The following COQ9 variants were observed in gnomAD, a reference collection of about 807,000 sequenced individuals.
COQ9 encodes coenzyme Q9.
Under a neutral mutation model 42.4 loss-of-function variants are expected in COQ9, and 35 were observed. The ratio of observed to expected loss-of-function variants is 0.83; its 90% CI spans 0.63 to 1.10. The LOEUF (loss-of-function observed/expected upper bound fraction) is 1.10, where lower values mean the gene tolerates loss of function less well. COQ9 is among the 50% of genes least tolerant of loss of function. The pLI is 0.00. For synonymous variants in COQ9, 155 were observed against 155.1 expected, an observed-to-expected ratio of 1.00 and a Z score of 0.00; for missense variants, 406 against 414.6, an observed-to-expected ratio of 0.98 and a Z score of 0.18.
At chr16:57,460,461 A>C in intron 8 of COQ9, 128 bp from the exon 9 acceptor site, 1 of 936,440 alleles carries the variant, frequency 1.1e-6, no homozygotes, top group Non-Finnish European at 1.7e-6. Flanking sequence ...TCTGGCCAAC[A>C]TAGCAAAACC....
At position 57,457,944 on chromosome 16, in the gene COQ9, G is replaced by GT. The variant is rs58660933; in HGVS notation, c.607-301dup. On this transcript the variant is annotated intron_variant, in intron 5 of 8. Transcript: ENST00000262507. ...TTCTTCCTTTGTGTGACAGACTGGG[G>GT]TATCTTTGCCCATCCTTGCTTAGAC... 0.076 allele frequency among the ~76,000 whole-genome samples: 11,518 copies of GT among 152,288 alleles called. 762 individuals are homozygous for GT. The highest frequency in any genetic ancestry group is 0.18 in the African/African-American group (7,388 of 41,540).
At chr16:57,452,694 G>A in intron 2 of COQ9, 107 bp from the exon 3 acceptor site, 1 of 1,283,996 alleles carries the variant, frequency 7.8e-7, no homozygotes, top group East Asian at 2.3e-5. Flanking sequence ...AAGAGTAAAT[G>A]TCTTCCCAGC....
At chr16:57,454,898 G>T (rs554889468) in intron 3 of COQ9, among the ~76,000 whole-genome samples, 2 of 152,266 alleles carry the variant, frequency 1.3e-5, no homozygotes, top group African/African-American at 4.8e-5. Context: ...GTCAGTCGAG[G>T]TCAAATCAGG....
rs2030494256 is a variant in COQ9 at position 57,459,969 on chromosome 16, T to C, written c.868-82T>C. ...CCTTGTCTTCACCTTTTGGGGCTCA[T>C]AGGCCTCCTGATTTGTCCTGCCTGT... On this transcript the variant is annotated intron_variant, in intron 7 of 8. Transcript: ENST00000262507. The C allele has an allele frequency of 1.5e-5, 21 of 1,370,610 alleles. No individual in the cohort carries two copies. The South Asian group carries it at 2.2e-4, about 15-fold the overall frequency. 84.9% of individuals were successfully genotyped at this position (1,370,610 alleles called of 1,614,324 possible). A position where few individuals can be genotyped will look rare whatever the true frequency, so the allele number is the denominator to read the frequency against.
chr16:57,458,869 A>G (rs2030464292), intron 6 of COQ9, among the ~76,000 whole-genome samples: 1 of 152,234 alleles, frequency 6.6e-6, no homozygotes, highest in Non-Finnish European at 1.5e-5. Flanking sequence ...ATACACCTTC[A>G]TAAAAGAAAA....
rs149029279 is a variant in COQ9 at position 57,452,820 on chromosome 16, G to A, written c.262G>A (p.Glu88Lys). 67 of 1,609,994 alleles carry A rather than the reference G, an allele frequency of 4.2e-5. No individual in the cohort carries two copies. The highest frequency in any genetic ancestry group is 5.3e-5 in the African/African-American group (4 of 74,814). ...SPPRYTDQGG[E>K]EEEDYESEEQ... Reference sequence around the variant, plus strand: ...TCTCAGGTATACAGACCAGGGCGGCGAGGAGGAGGAGGACTATGAAAGTGA... The same window carrying A: ...TCTCAGGTATACAGACCAGGGCGGCAAGGAGGAGGAGGACTATGAAAGTGA... Residue 88 changes from glutamate to lysine, a missense_variant, in exon 3 of 9, where the codon GAG (glutamate) becomes AAG (lysine). Physicochemically the swap from Glu to Lys is moderately conservative, Grantham distance 56 (BLOSUM62 1). Transcript: ENST00000262507.
At chr16:57,456,780 G>C (rs1332111444) in intron 4 of COQ9, 134 bp downstream of exon 4, 3 of 1,353,826 alleles carry the variant, frequency 2.2e-6, no homozygotes, top group African/African-American at 1.4e-5. Context: ...TGCTGTGATG[G>C]GACTGAAACC....
intron 1 of COQ9, among the ~76,000 whole-genome samples, chr16:57,448,249 C>T (rs1259027233): frequency 1.3e-5 from 2 of 152,176 alleles, no homozygotes; most frequent in Non-Finnish European, 2.9e-5. Context: ...TCTGCTCCTT[C>T]CTTTTCAAAG....
At chr16:57,448,082 T>TTA (rs1421017497) in intron 1 of COQ9, among the ~76,000 whole-genome samples, 1 of 152,218 alleles carries the variant, frequency 6.6e-6, no homozygotes, top group Non-Finnish European at 1.5e-5. Flanking sequence ...AGAGGAAACT[T>TTA]TATATCATTG....
intron 2 of COQ9, among the ~76,000 whole-genome samples, chr16:57,452,243 C>T (rs1196294944): frequency 2.6e-5 from 4 of 152,194 alleles, no homozygotes; most frequent in Non-Finnish European, 5.9e-5. Context: ...CAGGGAACTC[C>T]AGGGTGCAGC....
chr16:57,449,402 C>T (rs2146584466), intron 1 of COQ9, among the ~76,000 whole-genome samples: 1 of 152,242 alleles, frequency 6.6e-6, no homozygotes, highest in South Asian at 2.1e-4. Context: ...AAGAAGAGGG[C>T]TCAGAGGAGC....
At chr16:57,455,625 C>T (rs1938669928) in intron 3 of COQ9, among the ~76,000 whole-genome samples, 1 of 151,860 alleles carries the variant, frequency 6.6e-6, no homozygotes, top group African/African-American at 2.4e-5. Flanking sequence ...GGGCAACAAC[C>T]GTTTGGGTGG....
rs1209951355 is a variant in COQ9, at chr16:57,451,211, A to G, written c.242+3A>G. The G allele has an allele frequency of 1.9e-6, 3 of 1,614,086 alleles. No homozygotes were observed. The highest frequency in any genetic ancestry group is 2.5e-6 in the Non-Finnish European group (3 of 1,180,030). ...GAGTCTTCTCATTCACCCCCCAGGT[A>G]GGCACCAATCCACCTATTTCTGGCC... is the stretch of plus-strand genomic sequence containing the variant. On this transcript the variant is annotated splice_donor_region_variant and intron_variant, in intron 2 of 8. Transcript: ENST00000262507.
Position 57,456,617 on chromosome 16 carries a change from G to A in COQ9, c.492G>A (p.Glu164=), listed in dbSNP as rs200465461. ...NTRLTRVLEE[E]QKLVQLGQAE... ...GGCTCACACGTGTGCTAGAAGAGGA[G>A]CAGAAGCTGGTACAGTTGGGCCAGG... Residue 164 remains glutamate, a synonymous_variant, in exon 4 of 9, where the codon GAG becomes GAA. Coordinates refer to ENST00000262507, the MANE Select transcript of COQ9 (RefSeq NM_020312.4). 10 of 1,614,088 alleles carry A rather than the reference G, an allele frequency of 6.2e-6. No individual in the cohort carries two copies. The East Asian group carries it at 6.7e-5, about 11-fold the overall frequency.
intron 1 of COQ9, among the ~76,000 whole-genome samples, chr16:57,448,387 C>T (rs1422450341): frequency 6.6e-6 from 1 of 150,938 alleles, no homozygotes; most frequent in East Asian, 1.9e-4. Flanking sequence ...CCTCAGCCTC[C>T]CAAGGAGCTG....
chr16:57,456,882 GC>G (rs2030416396), intron 4 of COQ9, 48 bp from the exon 5 acceptor site: 1 of 1,523,214 alleles, frequency 6.6e-7, no homozygotes. Flanking sequence ...GGAGCACTGA[GC>G]CCCTGCCTTT....
In COQ9 at chr16:57,456,585, A is replaced by G. The variant is rs141580812; in HGVS notation, c.460A>G (p.Asn154Asp). 3.1e-6 allele frequency: 5 copies of G among 1,614,192 alleles called. No homozygotes were observed. The highest frequency in any genetic ancestry group is 4.2e-6 in the Non-Finnish European group (5 of 1,180,024). ...AATACTGCATTTTGTGACCCAGTGCAATACCCGGCTCACACGTGTGCTAGA... is the reference window on the plus strand; with the variant it reads ...AATACTGCATTTTGTGACCCAGTGCGATACCCGGCTCACACGTGTGCTAGA... ...ELILHFVTQC[N>D]TRLTRVLEEE... Residue 154 changes from asparagine to aspartate, a missense_variant, in exon 4 of 9, where the codon AAT becomes GAT. Transcript: ENST00000262507.
chr16:57,451,298 T>G lies in COQ9; in HGVS notation c.242+90T>G, dbSNP rs1024940040. On this transcript the variant is annotated intron_variant, in intron 2 of 8. Coordinates refer to ENST00000262507, the MANE Select transcript of COQ9 (RefSeq NM_020312.4). ...TTCCTCTCTCCTCTCCATCCCCTTT[T>G]GTACCTTCCTTCATTTCCAAGGCCA... 18 of 1,369,978 alleles carry G rather than the reference T, an allele frequency of 1.3e-5. No homozygotes were observed. The African/African-American group carries it at 2.0e-4, about 15-fold the overall frequency. The allele number at this position is 1,369,978 out of a possible 1,614,324, so 84.9% of individuals were successfully genotyped here. A position where few individuals can be genotyped will look rare whatever the true frequency, so the allele number is the denominator to read the frequency against.
intron 7 of COQ9, 116 bp from the exon 8 acceptor site, chr16:57,459,935 A>T: frequency 9.5e-7 from 1 of 1,054,460 alleles, no homozygotes; most frequent in Non-Finnish European, 1.5e-6. Flanking sequence ...CCTTCCAGTA[A>T]CGTGGCCCCC....
Sources: gnomAD v4.1 joint callset for allele counts (sites outside exome capture counted in the v4.1 genomes callset) on GRCh38, gnomAD v4.1.1 for gene constraint, MANE v1.5 for transcripts, NCBI Gene and HGNC (gene_info 2026-07-23, HGNC 2026-07-21) for gene names.